SHBG: variants seen among roughly 807,000 people sequenced by gnomAD.
The protein encoded by SHBG is sex hormone-binding globulin.
SHBG carries 37 observed loss-of-function variants against 41.9 expected under a neutral mutation model. The ratio of observed to expected loss-of-function variants is 0.88; its 90% CI spans 0.68 to 1.16. The LOEUF (loss-of-function observed/expected upper bound fraction) is 1.16, where lower values mean the gene tolerates loss of function less well. Among genes scored for constraint, SHBG ranks in the 50% most tolerant of loss-of-function variants. The pLI is 0.00. For synonymous variants in SHBG, 217 were observed against 205.8 expected, an observed-to-expected ratio of 1.05 and a Z score of -0.47; for missense variants, 466 against 499.9, an observed-to-expected ratio of 0.93 and a Z score of 0.65.
Position 7,630,290 on chromosome 17 carries a change from G to C in SHBG, c.111+7G>C. ...ACCTGTTCTCCCCACCCAGGTGCAG[G>C]AGCGGGACAGGGCACTCAGCTCATG... On this transcript the variant is annotated splice_region_variant and intron_variant, in intron 1 of 7. Coordinates refer to ENST00000380450, the MANE Select transcript of SHBG (RefSeq NM_001040.5). The surrounding 1 kb of genome is among the most constrained non-coding windows in gnomAD (Gnocchi z 4.6). 1.2e-6 allele frequency: 2 copies of C among 1,607,998 alleles called. No individual in the cohort carries two copies. Among genetic ancestry groups the C allele is most frequent in the Non-Finnish European group, 1.7e-6 (2 of 1,176,480 alleles).
At chr17:7,628,944 T>C (rs1164307047), upstream of SHBG, among the ~76,000 whole-genome samples, 1 of 152,052 alleles carries the variant, frequency 6.6e-6, no homozygotes, top group Non-Finnish European at 1.5e-5. Flanking sequence ...TACTCCCAGC[T>C]ACTCGGGAGG....
upstream of SHBG, among the ~76,000 whole-genome samples, chr17:7,624,754 C>A (rs1019992073): frequency 6.6e-6 from 1 of 151,722 alleles, no homozygotes; most frequent in African/African-American, 2.4e-5. Context: ...TGGGATCAAG[C>A]GATTCTCATG....
At chr17:7,615,629 G>A (rs1296846866) in intron 1 of SHBG, among the ~76,000 whole-genome samples, 1 of 146,870 alleles carries the variant, frequency 6.8e-6, no homozygotes, top group Admixed American at 6.8e-5. Context: ...GACCAGCGTG[G>A]CCAAAATGGT....
chr17:7,627,388 CGA>C (rs751412162), upstream of SHBG: 24 of 1,614,092 alleles, frequency 1.5e-5, no homozygotes, highest in Middle Eastern at 1.6e-4. The surrounding 1 kb of genome is among the most constrained non-coding windows in gnomAD (Gnocchi z 4.8). Flanking sequence ...TCACCTGATC[CGA>C]GAGTTTTTCG....
intron 1 of SHBG, among the ~76,000 whole-genome samples, chr17:7,617,969 AG>A (rs58671763): frequency 0.29 from 44,055 of 151,976 alleles, 7,844 homozygotes; most frequent in Middle Eastern, 0.56. Flanking sequence ...CTGTAATCCC[AG>A]CACTTTGGGA....
chr17:7,625,362 G>A (rs1228827796), upstream of SHBG, among the ~76,000 whole-genome samples: 2 of 149,860 alleles, frequency 1.3e-5, no homozygotes, highest in African/African-American at 2.5e-5. Flanking sequence ...TGGATCACGA[G>A]GTCAGGAGAT....
upstream of SHBG, chr17:7,627,766 G>C (rs2072266813): frequency 9.9e-7 from 1 of 1,006,952 alleles, no homozygotes; most frequent in Admixed American, 2.0e-5. The surrounding 1 kb of genome is among the most constrained non-coding windows in gnomAD (Gnocchi z 4.8). Context: ...GGGGACGGCG[G>C]GGTAGCCGCG....
At chr17:7,627,211 C>T (rs759505896), upstream of SHBG, 2 of 1,614,104 alleles carry the variant, frequency 1.2e-6, no homozygotes, top group Admixed American at 3.3e-5. The surrounding 1 kb of genome is among the most constrained non-coding windows in gnomAD (Gnocchi z 4.8). Flanking sequence ...GTCTCCAAAG[C>T]CATCTGCTCT....
chr17:7,627,708 G>T (rs1412113682), upstream of SHBG: 1 of 1,552,854 alleles, frequency 6.4e-7, no homozygotes, highest in South Asian at 1.1e-5. This position sits in a 1 kb window ranked among gnomAD's most constrained non-coding sequence, Gnocchi z 4.8. Context: ...AAGGGCCTAC[G>T]GACTTGGATC....
chr17:7,627,844 C>G (rs1197992916), upstream of SHBG: 1 of 661,194 alleles, frequency 1.5e-6, no homozygotes, highest in South Asian at 1.7e-5. This position sits in a 1 kb window ranked among gnomAD's most constrained non-coding sequence, Gnocchi z 4.8. Flanking sequence ...AGGCGATCCT[C>G]TGTCCGGGCA....
At chr17:7,633,026 T>C in intron 7 of SHBG, 67 bp downstream of exon 7, 1 of 1,496,946 alleles carries the variant, frequency 6.7e-7, no homozygotes. Context: ...GGCGGCACAT[T>C]TTGAGGGGAA....
chr17:7,630,429 C>G lies in SHBG; in HGVS notation c.125C>G (p.Pro42Arg). The change falls in exon 2 of 8, where the codon CCT (proline) becomes CGT (arginine). Residue 42 changes from proline (P) to arginine (R), a missense_variant. Pro to Arg is a moderately radical substitution (Grantham distance 103). Coordinates refer to ENST00000380450, the MANE Select transcript of SHBG (RefSeq NM_001040.5). The surrounding 1 kb of genome is among the most constrained non-coding windows in gnomAD (Gnocchi z 4.6). The stretch of plus-strand genomic sequence containing the variant: ...TCTTTCTGATAGAGTGCCCACGACC[C>G]TCCGGCTGTCCACCTCAGCAATGGC... ...PVLPTQSAHD[P>R]PAVHLSNGPG... The G allele has an allele frequency of 2.5e-6, 4 of 1,614,042 alleles. No homozygotes were observed. The highest frequency in any genetic ancestry group is 3.4e-6 in the Non-Finnish European group (4 of 1,179,938).
chr17:7,621,601 T>TA (rs747951932), intron 1 of SHBG, among the ~76,000 whole-genome samples: 670 of 46,814 alleles, frequency 0.014, 61 homozygotes, highest in African/African-American at 0.038. Flanking sequence ...AGTCTCCGTC[T>TA]AAAAAAAAAA....
intron 1 of SHBG, among the ~76,000 whole-genome samples, chr17:7,617,498 G>T (rs1489751234): frequency 6.6e-6 from 1 of 152,048 alleles, no homozygotes; most frequent in Non-Finnish European, 1.5e-5. Flanking sequence ...AGCTACTCGG[G>T]AGACTGAGGC....
At chr17:7,624,874 C>G (rs2072164556), upstream of SHBG, among the ~76,000 whole-genome samples, 1 of 150,330 alleles carries the variant, frequency 6.7e-6, no homozygotes, top group African/African-American at 2.5e-5. Context: ...CCAGGCTGCT[C>G]TTGAACTCCT....
At chr17:7,617,155 T>C (rs2072008702) in intron 1 of SHBG, among the ~76,000 whole-genome samples, 2 of 152,106 alleles carry the variant, frequency 1.3e-5, no homozygotes. Context: ...TTTTATTTTT[T>C]TTTTGCCCTT....
upstream of SHBG, chr17:7,630,132 C>G: frequency 1.3e-6 from 2 of 1,538,678 alleles, no homozygotes; most frequent in East Asian, 4.5e-5. This position sits in a 1 kb window ranked among gnomAD's most constrained non-coding sequence, Gnocchi z 4.6. Flanking sequence ...TACACATTCT[C>G]CCAAGAGTTG....
Position 7,633,308 on chromosome 17 carries a change from A to G in SHBG, c.1165A>G (p.Ser389Gly), listed in dbSNP as rs752629317. ...CAGAAGCCATGAGATCTGGACTCAC[A>G]GCTGCCCCCAGAGCCCAGGCAATGG... ...LNRSHEIWTHSCPQSPGNGTD... is the reference protein window; with the variant it reads ...LNRSHEIWTHGCPQSPGNGTD... The change falls in exon 8 of 8, where the codon AGC becomes GGC. Residue 389 changes from serine to glycine, a missense_variant. By Grantham distance (56) the Ser-to-Gly change is moderately conservative. Transcript: ENST00000380450. 4 of 1,614,170 alleles carry G rather than the reference A, an allele frequency of 2.5e-6. No homozygotes were observed. The East Asian group carries it at 8.9e-5, about 36-fold the overall frequency.
intron 1 of SHBG, among the ~76,000 whole-genome samples, chr17:7,622,612 A>G (rs1231015689): frequency 6.6e-6 from 1 of 152,082 alleles, no homozygotes; most frequent in Non-Finnish European, 1.5e-5. Flanking sequence ...GAAGTGATGA[A>G]TGGGCTGGAG....
Sources: gnomAD v4.1 joint callset for allele counts (sites outside exome capture counted in the v4.1 genomes callset) on GRCh38, gnomAD v4.1.1 for gene constraint, Gnocchi (gnomAD v3.1) non-coding constraint, MANE v1.5 for transcripts, NCBI Gene and HGNC (gene_info 2026-07-23, HGNC 2026-07-21) for gene names.